Variants in AGBL4 observed in about 807,000 individuals in gnomAD.
The protein encoded by AGBL4 is AGBL carboxypeptidase 4, also known as cytosolic carboxypeptidase 6.
AGBL4 carries 58 observed loss-of-function variants against 66.4 expected under a neutral mutation model. The ratio of observed to expected loss-of-function variants is 0.87; its 90% CI spans 0.71 to 1.09. AGBL4 has a LOEUF of 1.09. Ranked by LOEUF, AGBL4 falls within the 50% of genes least tolerant of loss-of-function variation. The pLI is 0.00. For synonymous variants in AGBL4, 234 were observed against 222.9 expected (o/e 1.05, Z -0.44); for missense variants, 579 against 631.0 (o/e 0.92, Z 0.88).
intron 5 of AGBL4, among the ~76,000 whole-genome samples, chr1:48,932,823 C>A (rs969866951): frequency 6.6e-6 from 1 of 151,854 alleles, no homozygotes; most frequent in African/African-American, 2.4e-5. Context: ...TACACAACTC[C>A]ATCACCAAAA....
chr1:48,616,653 A>C (rs1410399697), intron 9 of AGBL4, among the ~76,000 whole-genome samples: 2 of 152,200 alleles, frequency 1.3e-5, no homozygotes, highest in Admixed American at 1.3e-4. Context: ...AAGTGAGATA[A>C]TGTGTGTGAA....
At chr1:49,681,588 A>T (rs184235276) in intron 3 of AGBL4, among the ~76,000 whole-genome samples, 27 of 152,214 alleles carry the variant, frequency 1.8e-4, no homozygotes, top group African/African-American at 5.5e-4. Flanking sequence ...TCCACCTTTC[A>T]TAGTCTTCTT....
rs371750993 is a variant in AGBL4 at position 49,373,005 on chromosome 1, T to C, written c.283-127141A>G. 1.9e-3 allele frequency among the ~76,000 whole-genome samples: 289 copies of C among 152,172 alleles called. 2 individuals are homozygous for C. Among genetic ancestry groups the C allele is most frequent in the South Asian group, 1.0e-2 (48 of 4,822 alleles). ...AACTCCGGGGCTCAAGTGATCCTCC[T>C]GGGTCACCTTCCCAAAATGCTGGGA... On this transcript the variant is annotated intron_variant, in intron 3 of 13. Coordinates refer to ENST00000371839, the MANE Select transcript of AGBL4 (RefSeq NM_032785.4).
At chr1:49,965,685 TG>T (rs1381169221) in intron 1 of AGBL4, among the ~76,000 whole-genome samples, 2 of 152,174 alleles carry the variant, frequency 1.3e-5, no homozygotes, top group Admixed American at 1.3e-4. Context: ...ATAACTATGA[TG>T]TCATTGTCCA....
intron 1 of AGBL4, among the ~76,000 whole-genome samples, chr1:49,904,386 T>C: frequency 6.6e-6 from 1 of 152,158 alleles, no homozygotes; most frequent in East Asian, 1.9e-4. Context: ...ATTTCCAGTG[T>C]TGGTGCAACA....
chr1:49,141,956 G>C (rs950029008), intron 4 of AGBL4, among the ~76,000 whole-genome samples: 1 of 152,096 alleles, frequency 6.6e-6, no homozygotes, highest in Non-Finnish European at 1.5e-5. Flanking sequence ...GTACCTGTTT[G>C]TGCCTGGGCT....
At chr1:49,682,690 C>T (rs902066362) in intron 3 of AGBL4, among the ~76,000 whole-genome samples, 2 of 152,186 alleles carry the variant, frequency 1.3e-5, no homozygotes, top group African/African-American at 4.8e-5. Flanking sequence ...CAGGGCTCCA[C>T]AATGAGTAGG....
Position 50,013,582 on chromosome 1 carries a change from T to C in AGBL4, c.34+10181A>G, listed in dbSNP as rs536320631. ...GCAAAAAGTTTACTAGCATTTCCCA[T>C]AATCACTGCTATTCTTGTGATGGTA... On this transcript the variant is annotated intron_variant, in intron 1 of 13. Transcript: ENST00000371839. 9.2e-5 allele frequency among the ~76,000 whole-genome samples: 14 copies of C among 152,310 alleles called. No homozygotes were observed. In the East Asian group the frequency reaches 2.5e-3, roughly 27 times the overall value.
intron 5 of AGBL4, among the ~76,000 whole-genome samples, chr1:48,930,358 A>G (rs1475981362): frequency 2.0e-5 from 3 of 152,046 alleles, no homozygotes; most frequent in Non-Finnish European, 4.4e-5. Context: ...TAGCTAGAAC[A>G]GGGTTTTAGT....
chr1:49,957,201 C>G (rs1434768838), intron 1 of AGBL4, among the ~76,000 whole-genome samples: 2 of 151,884 alleles, frequency 1.3e-5, no homozygotes, highest in African/African-American at 4.8e-5. Flanking sequence ...CAAGAATGGG[C>G]ACAGTGGAAA....
At chr1:49,738,053 G>T (rs1650049334) in intron 2 of AGBL4, among the ~76,000 whole-genome samples, 1 of 152,236 alleles carries the variant, frequency 6.6e-6, no homozygotes, top group Non-Finnish European at 1.5e-5. Flanking sequence ...CTGTTGGTCA[G>T]TGTGTGCAGG....
intron 3 of AGBL4, among the ~76,000 whole-genome samples, chr1:49,660,198 T>A (rs1296087365): frequency 6.6e-6 from 1 of 152,134 alleles, no homozygotes; most frequent in South Asian, 2.1e-4. Flanking sequence ...TTTTTCAATC[T>A]ATCCTTCTGA....
intron 3 of AGBL4, among the ~76,000 whole-genome samples, chr1:49,377,507 A>G (rs1346543794): frequency 6.6e-6 from 1 of 152,066 alleles, no homozygotes; most frequent in East Asian, 1.9e-4. Context: ...CACAGGGAAG[A>G]ATCTTCACAT....
At chr1:49,782,855 C>T (rs985644912) in intron 2 of AGBL4, among the ~76,000 whole-genome samples, 2 of 152,100 alleles carry the variant, frequency 1.3e-5, no homozygotes, top group Admixed American at 6.6e-5. Flanking sequence ...GCCAGATGCT[C>T]GCCCCTCAAT....
intron 4 of AGBL4, among the ~76,000 whole-genome samples, chr1:49,166,475 C>T (rs565870134): frequency 9.7e-4 from 147 of 152,208 alleles, no homozygotes; most frequent in South Asian, 8.1e-3. Flanking sequence ...TATCTTAATA[C>T]TAATTTGTAA....
At chr1:49,938,755 T>C (rs1446987595) in intron 1 of AGBL4, among the ~76,000 whole-genome samples, 1 of 152,192 alleles carries the variant, frequency 6.6e-6, no homozygotes, top group Non-Finnish European at 1.5e-5. Context: ...CACATGATTA[T>C]CTCAATAGAT....
intron 5 of AGBL4, among the ~76,000 whole-genome samples, chr1:48,960,552 T>C (rs566619020): frequency 6.6e-6 from 1 of 152,118 alleles, no homozygotes; most frequent in Non-Finnish European, 1.5e-5. Flanking sequence ...CTCTGGTGTA[T>C]TTCAAAATCT....
chr1:49,836,547 T>C (rs1177077314), intron 2 of AGBL4, among the ~76,000 whole-genome samples: 1 of 152,026 alleles, frequency 6.6e-6, no homozygotes, highest in African/African-American at 2.4e-5. Flanking sequence ...GAGGAGTTTA[T>C]TATTACCCAC....
At chr1:48,733,946 C>G (rs944856139) in intron 6 of AGBL4, among the ~76,000 whole-genome samples, 9 of 152,118 alleles carry the variant, frequency 5.9e-5, no homozygotes, top group Non-Finnish European at 8.8e-5. Context: ...GATTTTATAC[C>G]ATGTGATAAT....
Sources: gnomAD v4.1 joint callset for allele counts (sites outside exome capture counted in the v4.1 genomes callset) on GRCh38, gnomAD v4.1.1 for gene constraint, MANE v1.5 for transcripts, NCBI Gene and HGNC (gene_info 2026-07-23, HGNC 2026-07-21) for gene names.